ETFB: variants seen among roughly 807,000 people sequenced by gnomAD.
ETFB encodes beta-ETF.
A neutral mutation model predicts 25.6 loss-of-function variants in ETFB; 20 were observed. The ratio of observed to expected loss-of-function variants is 0.78; its 90% CI spans 0.55 to 1.14. ETFB has a LOEUF of 1.14. Ranked by LOEUF, ETFB falls within the 50% of genes most tolerant of loss-of-function variation. The pLI is 0.00. For missense variants in ETFB, 286 were observed against 342.6 expected (o/e 0.83, Z 1.30); for synonymous variants, 142 against 146.7 (o/e 0.97, Z 0.23).
intron 5 of ETFB, chr19:51,346,632 G>A (rs1335998152): frequency 2.2e-6 from 1 of 464,026 alleles, no homozygotes; most frequent in Non-Finnish European, 3.9e-6. Flanking sequence ...ATGACAAAGG[G>A]AACACCTTCT....
intron 1 of ETFB, among the ~76,000 whole-genome samples, chr19:51,362,836 C>G (rs1986264617): frequency 6.6e-6 from 1 of 152,100 alleles, no homozygotes. Context: ...AAACTGTCTC[C>G]CCCACACCTG....
chr19:51,353,036 TG>T, intron 3 of ETFB, 95 bp downstream of exon 3: 2 of 1,500,086 alleles, frequency 1.3e-6, no homozygotes, highest in Non-Finnish European at 1.8e-6. Flanking sequence ...GTGAATGCCC[TG>T]GGCCTGGCCA....
chr19:51,351,956 A>G (rs8110420), intron 3 of ETFB, among the ~76,000 whole-genome samples: 130,656 of 151,902 alleles, frequency 0.86, 57,053 homozygotes, highest in African/African-American at 0.94. Context: ...TCTCACTCCC[A>G]TCTGCCTGTG....
chr19:51,360,283 T>G, intron 1 of ETFB, among the ~76,000 whole-genome samples: 1 of 151,708 alleles, frequency 6.6e-6, no homozygotes, highest in African/African-American at 2.4e-5. Context: ...ATGCCTGTAA[T>G]TCCAGCTAGT....
chr19:51,354,921 G>A, intron 1 of ETFB: 1 of 412,992 alleles, frequency 2.4e-6, no homozygotes. Flanking sequence ...GAACTTGCAC[G>A]GGGAGGGGCG....
At position 51,357,718 on chromosome 19, in the gene ETFB, C is replaced by T. The variant is rs528027979; in HGVS notation, c.58-3410G>A. Among the ~76,000 whole-genome samples, 26 of 152,022 alleles carry T rather than the reference C, an allele frequency of 1.7e-4. No individual in the cohort carries two copies. In the East Asian group the frequency reaches 4.3e-3, roughly 25 times the overall value. On this transcript the variant is annotated intron_variant, in intron 1 of 5. Coordinates refer to ENST00000309244, the MANE Select transcript of ETFB (RefSeq NM_001985.3). ...GTTGGCCAGGCTGGTCTCGAACTCC[C>T]GATCTCTGGTGATCCACCCACCTCG...
At chr19:51,355,713 C>A (rs1340549417) in intron 1 of ETFB, 2 of 151,890 alleles carry the variant, frequency 1.3e-5, no homozygotes, top group African/African-American at 4.8e-5. Flanking sequence ...CAATGATAGA[C>A]TGGATTAAGA....
chr19:51,366,386 C>T lies in ETFB; in HGVS notation c.-60G>A. ...ACCCTCAGCGGCTCAGTCCAGAAGC[C>T]CCACCACCCCCGCCCCCCGCGCCCC... is the stretch of plus-strand genomic sequence containing the variant. On this transcript the variant is annotated 5_prime_UTR_variant, in exon 1 of 6. Transcript: ENST00000309244. The T allele has an allele frequency of 6.7e-7, 1 of 1,488,020 alleles. No individual in the cohort carries two copies. 92.2% of individuals were successfully genotyped at this position (1,488,020 alleles called of 1,614,324 possible).
In ETFB at chr19:51,361,094, C is replaced by T. The variant is rs375719112; in HGVS notation, c.57+5176G>A. Among the ~76,000 whole-genome samples, 12 of 151,942 alleles carry T rather than the reference C, an allele frequency of 7.9e-5. No individual in the cohort carries two copies. In the East Asian group the frequency reaches 2.3e-3, roughly 29 times the overall value. ...GCCACCGCGCCCGGCCCACGCCTGGCTAATTTTTTTATTTTTAGTAGAGAT... is the reference window on the plus strand; with the variant it reads ...GCCACCGCGCCCGGCCCACGCCTGGTTAATTTTTTTATTTTTAGTAGAGAT... On this transcript the variant is annotated intron_variant, in intron 1 of 5. Coordinates refer to ENST00000309244, the MANE Select transcript of ETFB (RefSeq NM_001985.3).
chr19:51,359,126 A>C (rs1487132309), intron 1 of ETFB, among the ~76,000 whole-genome samples: 1 of 151,412 alleles, frequency 6.6e-6, no homozygotes, highest in Non-Finnish European at 1.5e-5. Flanking sequence ...ACCTTGCCTT[A>C]CTGCAACCTC....
intron 1 of ETFB, 53 bp downstream of exon 1, chr19:51,366,217 C>A (rs1986361235): frequency 6.3e-7 from 1 of 1,575,750 alleles, no homozygotes; most frequent in Non-Finnish European, 8.7e-7. Flanking sequence ...CTCGTGGCCC[C>A]GGAAGCACAC....
intron 1 of ETFB, among the ~76,000 whole-genome samples, chr19:51,362,274 T>C (rs1986252573): frequency 6.6e-6 from 1 of 151,740 alleles, no homozygotes; most frequent in African/African-American, 2.4e-5. Context: ...TTACTACTAC[T>C]CCCAATAAAA....
chr19:51,350,834 A>G (rs1985918551), intron 3 of ETFB, among the ~76,000 whole-genome samples: 1 of 152,222 alleles, frequency 6.6e-6, no homozygotes, highest in African/African-American at 2.4e-5. Context: ...TGCAGGTCAT[A>G]CGGTCTCTGT....
chr19:51,359,806 GC>G (rs1263864339), intron 1 of ETFB, among the ~76,000 whole-genome samples: 1 of 151,986 alleles, frequency 6.6e-6, no homozygotes, highest in African/African-American at 2.4e-5. Context: ...GATCACTGGA[GC>G]CCAGGATTTC....
At chr19:51,355,956 G>A (rs184632388) in intron 1 of ETFB, 1 of 121,488 alleles carries the variant, frequency 8.2e-6, no homozygotes, top group Non-Finnish European at 1.7e-5. Flanking sequence ...GTGGGGGGAG[G>A]GGGGAGGGAT....
At chr19:51,347,513 G>A (rs3786627) in intron 4 of ETFB, 18,785 of 194,320 alleles carry the variant, frequency 0.097, 1,046 homozygotes, top group Middle Eastern at 0.16. Context: ...GGCTCCCAAC[G>A]GCCCCCCGTG....
chr19:51,347,336 A>G, intron 4 of ETFB: 1 of 471,026 alleles, frequency 2.1e-6, no homozygotes, highest in Non-Finnish European at 3.9e-6. Context: ...CTGAGTGCTG[A>G]GCCCTGTGCT....
chr19:51,349,896 G>A (rs528302298), intron 4 of ETFB, among the ~76,000 whole-genome samples: 14 of 152,022 alleles, frequency 9.2e-5, no homozygotes, highest in South Asian at 8.3e-4. Flanking sequence ...ACAGGCGCAC[G>A]CCACCACACC....
chr19:51,357,209 G>T (rs1451465454), intron 1 of ETFB: 1 of 151,646 alleles, frequency 6.6e-6, no homozygotes, highest in Non-Finnish European at 1.5e-5. Flanking sequence ...AAGTAGCTGG[G>T]ATTACAGGCA....
Sources: gnomAD v4.1 joint callset for allele counts (sites outside exome capture counted in the v4.1 genomes callset) on GRCh38, gnomAD v4.1.1 for gene constraint, MANE v1.5 for transcripts, NCBI Gene and HGNC (gene_info 2026-07-23, HGNC 2026-07-21) for gene names.